LMBR1: variants seen among roughly 807,000 people sequenced by gnomAD.
LMBR1 encodes the protein limb region 1 protein homolog.
In LMBR1, 52 loss-of-function variants were observed where a neutral mutation model predicts 73.9. The ratio of observed to expected loss-of-function variants is 0.70; its 90% CI spans 0.56 to 0.89. The LOEUF (loss-of-function observed/expected upper bound fraction) is 0.89. Ranked by LOEUF, LMBR1 falls within the 40% of genes least tolerant of loss-of-function variation. The pLI, the probability that LMBR1 is intolerant of heterozygous loss-of-function variation, is 0.00. For synonymous variants in LMBR1, 215 were observed against 209.4 expected (o/e 1.03, Z -0.23); for missense variants, 539 against 579.8 (o/e 0.93, Z 0.72).
intron 1 of LMBR1, among the ~76,000 whole-genome samples, chr7:156,847,178 T>C (rs1474135551): frequency 6.6e-6 from 1 of 152,154 alleles, no homozygotes; most frequent in African/African-American, 2.4e-5. Context: ...GGCTATATAA[T>C]GAAGAAAGGA....
At chr7:156,808,191 T>C (rs557403721) in intron 4 of LMBR1, among the ~76,000 whole-genome samples, 1 of 152,290 alleles carries the variant, frequency 6.6e-6, no homozygotes, top group East Asian at 1.9e-4. Context: ...CTATCAATTA[T>C]TGAAAGAAGG....
At chr7:156,716,915 CAAG>C (rs1008408734) in intron 15 of LMBR1, among the ~76,000 whole-genome samples, 15 of 151,860 alleles carry the variant, frequency 9.9e-5, no homozygotes, top group African/African-American at 3.6e-4. Context: ...CCCAGGAGTT[CAAG>C]GAGTTCAATT....
intron 1 of LMBR1, among the ~76,000 whole-genome samples, chr7:156,870,112 G>T (rs542026265): frequency 6.6e-6 from 1 of 152,236 alleles, no homozygotes; most frequent in East Asian, 1.9e-4. Flanking sequence ...GTAGAATAAC[G>T]ATTGGAGACT....
intron 15 of LMBR1, among the ~76,000 whole-genome samples, chr7:156,701,605 G>T (rs756470685): frequency 1.7e-4 from 26 of 152,326 alleles, no homozygotes; most frequent in Non-Finnish European, 2.8e-4. Context: ...ATTCTATGCT[G>T]TCAGGAATGT....
chr7:156,783,347 T>A (rs1827488760), intron 5 of LMBR1, among the ~76,000 whole-genome samples: 1 of 151,908 alleles, frequency 6.6e-6, no homozygotes, highest in Non-Finnish European at 1.5e-5. Context: ...TAATTTTTTT[T>A]ATTTTGTATT....
intron 1 of LMBR1, among the ~76,000 whole-genome samples, chr7:156,847,449 C>T (rs2134034549): frequency 6.6e-6 from 1 of 152,230 alleles, no homozygotes; most frequent in African/African-American, 2.4e-5. Flanking sequence ...CTAGACTTTA[C>T]TAAAACTTAA....
chr7:156,873,307 C>T (rs1799613401), intron 1 of LMBR1, among the ~76,000 whole-genome samples: 1 of 151,694 alleles, frequency 6.6e-6, no homozygotes, highest in Admixed American at 6.6e-5. Flanking sequence ...TCATTCCTCC[C>T]GGTGGGCTCC....
At chr7:156,858,309 C>T (rs535539123) in intron 1 of LMBR1, among the ~76,000 whole-genome samples, 4 of 152,174 alleles carry the variant, frequency 2.6e-5, no homozygotes, top group East Asian at 1.9e-4. Context: ...TTATGAACTC[C>T]GTGCCCACAA....
At position 156,836,815 on chromosome 7, in the gene LMBR1, G is replaced by A; in HGVS notation, c.137C>T (p.Ser46Leu). The A allele has an allele frequency of 6.4e-7, 1 of 1,567,520 alleles. No homozygotes were observed. Among genetic ancestry groups the A allele is most frequent in the Non-Finnish European group, 8.7e-7 (1 of 1,150,586 alleles). The change falls in exon 2 of 17, where the codon TCA becomes TTA. Residue 46 changes from serine to leucine, a missense_variant and splice_region_variant. Around this residue, in one of 3 missense-constraint regions of LMBR1, gnomAD observed 454 missense variants for 473.4 expected, o/e 0.96. Coordinates refer to ENST00000353442, the MANE Select transcript of LMBR1 (RefSeq NM_022458.4). Reference protein sequence around the residue: ...YFIITRYKRKSDEQEDEDAIV... With the variant: ...YFIITRYKRKLDEQEDEDAIV... ...TTAATTGACATGTTTCCACTTGCCT[G>A]ATTTTCTCTTGTATCTTGTGATGAT...
chr7:156,876,003 A>G (rs1800114379), intron 1 of LMBR1, among the ~76,000 whole-genome samples: 1 of 152,202 alleles, frequency 6.6e-6, no homozygotes, highest in Non-Finnish European at 1.5e-5. Context: ...AAATGGCCTA[A>G]ATGCTCCACT....
At chr7:156,718,427 A>T (rs1035160350) in intron 15 of LMBR1, among the ~76,000 whole-genome samples, 1 of 151,782 alleles carries the variant, frequency 6.6e-6, no homozygotes, top group African/African-American at 2.4e-5. Flanking sequence ...AAAAGAAAAA[A>T]AAAAATACTC....
At chr7:156,800,274 A>G (rs78833971) in intron 4 of LMBR1, among the ~76,000 whole-genome samples, 4,843 of 152,274 alleles carry the variant, frequency 0.032, 123 homozygotes, top group South Asian at 0.085. Flanking sequence ...AGGCTGACTC[A>G]CTTGTTAGGG....
At chr7:156,751,089 G>A (rs1820792797) in intron 9 of LMBR1, among the ~76,000 whole-genome samples, 1 of 152,132 alleles carries the variant, frequency 6.6e-6, no homozygotes, top group Non-Finnish European at 1.5e-5. Flanking sequence ...CAGCCTGGGT[G>A]ACAGAGTGAG....
At chr7:156,852,175 T>C (rs904282233) in intron 1 of LMBR1, among the ~76,000 whole-genome samples, 1 of 152,100 alleles carries the variant, frequency 6.6e-6, no homozygotes, top group Non-Finnish European at 1.5e-5. Context: ...CAAATAATAA[T>C]ATAACAATAA....
intron 3 of LMBR1, among the ~76,000 whole-genome samples, chr7:156,826,958 A>T (rs945423806): frequency 6.6e-6 from 1 of 152,244 alleles, no homozygotes; most frequent in African/African-American, 2.4e-5. Flanking sequence ...TGAAAAGGTC[A>T]GTAAGTCTAA....
intron 5 of LMBR1, among the ~76,000 whole-genome samples, chr7:156,783,982 T>C (rs963059173): frequency 6.7e-6 from 1 of 148,466 alleles, no homozygotes; most frequent in African/African-American, 2.5e-5. Context: ...TTTTTTGTTA[T>C]TTTGGGTTTT....
intron 4 of LMBR1, among the ~76,000 whole-genome samples, chr7:156,804,784 G>C (rs1281601806): frequency 1.3e-5 from 2 of 151,718 alleles, no homozygotes; most frequent in South Asian, 2.1e-4. Context: ...TTTTCTCCCA[G>C]TCTGTAGACT....
intron 9 of LMBR1, among the ~76,000 whole-genome samples, chr7:156,736,832 C>G (rs1420177719): frequency 6.6e-6 from 1 of 152,170 alleles, no homozygotes; most frequent in East Asian, 1.9e-4. Flanking sequence ...TTTTCTTTTA[C>G]TTAATTTTCT....
At chr7:156,674,837 T>G (rs1016336192), downstream of LMBR1, among the ~76,000 whole-genome samples, 3 of 152,254 alleles carry the variant, frequency 2.0e-5, no homozygotes, top group African/African-American at 7.2e-5. Context: ...ATTACATACG[T>G]AGCTCACAGT....
Sources: allele counts gnomAD v4.1 joint callset (sites outside exome capture counted in the v4.1 genomes callset), GRCh38; gene constraint gnomAD v4.1.1; regional missense constraint gnomAD v4.1.1; transcripts MANE v1.5; gene names NCBI Gene and HGNC (gene_info 2026-07-23, HGNC 2026-07-21).